The following PIR variants were observed in gnomAD, a reference collection of about 807,000 sequenced individuals.
PIR encodes pirin, also known as pirin (iron-binding nuclear protein).
Under a neutral mutation model 24.2 loss-of-function variants are expected in PIR, and 22 were observed. That is an observed-to-expected ratio of 0.91 (90% CI 0.65 to 1.30). The LOEUF (loss-of-function observed/expected upper bound fraction) is 1.30. PIR is among the 50% of genes most tolerant of loss of function. The pLI is 0.00. For missense variants in PIR, 220 were observed against 220.3 expected, an observed-to-expected ratio of 1.00 and a Z score of 0.01; for synonymous variants, 80 against 79.6, an observed-to-expected ratio of 1.00 and a Z score of -0.03.
At chrX:15,457,724 G>T (rs1306048751) in intron 4 of PIR, among the ~76,000 whole-genome samples, 2 of 112,246 alleles carry the variant, frequency 1.8e-5, no homozygotes, top group Non-Finnish European at 3.8e-5. Context: ...ATACTTTAAA[G>T]ATTTTTTTCT....
intron 5 of PIR, among the ~76,000 whole-genome samples, chrX:15,445,925 G>A (rs1926083332): frequency 9.8e-6 from 1 of 102,088 alleles, no homozygotes; most frequent in Non-Finnish European, 2.0e-5. Context: ...CGCCTCCCGG[G>A]TTCACGCCAT....
At chrX:15,446,271 G>GT (rs996421699) in intron 5 of PIR, among the ~76,000 whole-genome samples, 2 of 111,753 alleles carry the variant, frequency 1.8e-5, no homozygotes, top group African/African-American at 6.5e-5. Context: ...ATGAACGTGT[G>GT]TTTTGAAGGC....
rs200025485 is a variant in PIR at position 15,397,541 on chromosome X, C to T, written c.611-10G>A. 8.8e-7 allele frequency: 1 copy of T among 1,141,534 alleles called. No homozygotes were observed. The highest frequency in any genetic ancestry group is 3.0e-5 in the East Asian group (1 of 33,496). 94.1% of individuals were successfully genotyped at this position (1,141,534 alleles called of 1,213,427 possible). ...TGTGCATCATCGGGCCCTACAAAACCAATGACACACTAATTTAATACCCAT... is the reference window on the plus strand; with the variant it reads ...TGTGCATCATCGGGCCCTACAAAACTAATGACACACTAATTTAATACCCAT... On this transcript the variant is annotated splice_polypyrimidine_tract_variant and intron_variant, in intron 7 of 9. Transcript: ENST00000380420.
intron 5 of PIR, among the ~76,000 whole-genome samples, chrX:15,434,118 G>A (rs1432967382): frequency 1.1e-5 from 1 of 93,265 alleles, no homozygotes; most frequent in Admixed American, 1.2e-4. Flanking sequence ...AGAAGGAGGA[G>A]GAGGGAGGAG....
intron 7 of PIR, among the ~76,000 whole-genome samples, chrX:15,400,997 A>C (rs2147008351): frequency 9.1e-6 from 1 of 109,579 alleles, no homozygotes; most frequent in African/African-American, 3.3e-5. Context: ...TCGATCTCCC[A>C]AAGTGCTGGG....
intron 6 of PIR, among the ~76,000 whole-genome samples, chrX:15,425,277 C>T (rs776392593): frequency 9.0e-6 from 1 of 110,566 alleles, no homozygotes; most frequent in African/African-American, 3.3e-5. Context: ...CCTACCTCAT[C>T]CAGTAAGTGT....
At chrX:15,420,791 T>A (rs533331845) in intron 6 of PIR, among the ~76,000 whole-genome samples, 1 of 110,974 alleles carries the variant, frequency 9.0e-6, no homozygotes, top group Non-Finnish European at 1.9e-5. Flanking sequence ...GAGCTATAAT[T>A]GTGCCACTTT....
intron 5 of PIR, among the ~76,000 whole-genome samples, chrX:15,439,583 T>G (rs1037301277): frequency 8.1e-5 from 9 of 111,550 alleles, no homozygotes; most frequent in Admixed American, 1.9e-4. Flanking sequence ...TTGCTGTCAG[T>G]AAAGACTAAT....
At chrX:15,435,872 C>T (rs900374819) in intron 5 of PIR, among the ~76,000 whole-genome samples, 7 of 112,483 alleles carry the variant, frequency 6.2e-5, no homozygotes, top group African/African-American at 2.3e-4. Flanking sequence ...GGCTGATGCT[C>T]TTCAACAAAA....
chrX:15,387,416 A>G (rs1454865457), intron 9 of PIR, among the ~76,000 whole-genome samples: 1 of 110,263 alleles, frequency 9.1e-6, no homozygotes, highest in Non-Finnish European at 1.9e-5. Context: ...GTATTTTAAC[A>G]TAGAAGTACT....
At chrX:15,470,600 CT>C (rs1185040119) in intron 3 of PIR, among the ~76,000 whole-genome samples, 2,452 of 44,936 alleles carry the variant, frequency 0.055, 76 homozygotes, top group African/African-American at 0.16. Context: ...TTCTTTCTTT[CT>C]TTTTTTTTTT....
chrX:15,475,825 T>C (rs1922163099), intron 3 of PIR, among the ~76,000 whole-genome samples: 1 of 111,712 alleles, frequency 9.0e-6, no homozygotes, highest in Non-Finnish European at 1.9e-5. Flanking sequence ...GAAAACAAAC[T>C]CCTGGTAGGA....
At chrX:15,429,528 C>A (rs1925430737) in intron 5 of PIR, 1 of 111,646 alleles carries the variant, frequency 9.0e-6, no homozygotes, top group Non-Finnish European at 1.9e-5. Flanking sequence ...ACCCCAAAGC[C>A]TTCAAAACTG....
chrX:15,458,986 A>G (rs1252114471), intron 4 of PIR, among the ~76,000 whole-genome samples: 1 of 112,687 alleles, frequency 8.9e-6, no homozygotes, highest in Non-Finnish European at 1.9e-5. Context: ...ATTATGATTC[A>G]AATATGTGAA....
intron 9 of PIR, among the ~76,000 whole-genome samples, chrX:15,389,403 A>G (rs1372253988): frequency 8.9e-6 from 1 of 112,069 alleles, no homozygotes; most frequent in Admixed American, 9.5e-5. Context: ...TGTTCTTTAA[A>G]TTCATGAGCA....
intron 5 of PIR, among the ~76,000 whole-genome samples, chrX:15,453,803 T>C (rs1025095231): frequency 2.7e-5 from 3 of 112,126 alleles, no homozygotes; most frequent in African/African-American, 9.7e-5. Context: ...ATGATTTCTA[T>C]AAATGAGAAG....
intron 3 of PIR, among the ~76,000 whole-genome samples, chrX:15,473,046 T>C (rs994872493): frequency 4.4e-5 from 5 of 112,490 alleles, no homozygotes; most frequent in African/African-American, 1.3e-4. Context: ...ACCTTGCCTC[T>C]GTCACTTTCC....
chrX:15,447,613 C>T (rs915625169), intron 5 of PIR, among the ~76,000 whole-genome samples: 6 of 112,028 alleles, frequency 5.4e-5, no homozygotes, highest in East Asian at 2.8e-4. Flanking sequence ...CCACCACGCC[C>T]GGCTGCTGAT....
At chrX:15,419,594 C>A (rs1265213957) in intron 6 of PIR, among the ~76,000 whole-genome samples, 1 of 111,431 alleles carries the variant, frequency 9.0e-6, no homozygotes, top group Non-Finnish European at 1.9e-5. Flanking sequence ...CCTGTTGTAT[C>A]CCTATAAAAA....
Sources: gnomAD v4.1 joint callset for allele counts (sites outside exome capture counted in the v4.1 genomes callset) on GRCh38, gnomAD v4.1.1 for gene constraint, MANE v1.5 for transcripts, NCBI Gene and HGNC (gene_info 2026-07-23, HGNC 2026-07-21) for gene names.